SLPI: variants seen among roughly 807,000 people sequenced by gnomAD.
SLPI encodes antileukoproteinase.
Under a neutral mutation model 14.3 loss-of-function variants are expected in SLPI, and 20 were observed. That is an observed-to-expected ratio of 1.40 (90% CI 0.99 to 2.04). The LOEUF (loss-of-function observed/expected upper bound fraction) is 2.04, where lower values mean the gene tolerates loss of function less well. SLPI is among the 30% of genes most tolerant of loss of function. The pLI, the probability that SLPI is intolerant of heterozygous loss-of-function variation, is 0.00. For synonymous variants in SLPI, 68 were observed against 54.8 expected, an observed-to-expected ratio of 1.24 and a Z score of -1.07; for missense variants, 169 against 159.4, an observed-to-expected ratio of 1.06 and a Z score of -0.32.
chr20:45,252,743 T>C (rs915565243), intron 3 of SLPI, among the ~76,000 whole-genome samples: 3 of 152,108 alleles, frequency 2.0e-5, no homozygotes, highest in Non-Finnish European at 4.4e-5. Flanking sequence ...ATTTTACCGA[T>C]AAAGAAACTG....
At chr20:45,252,759 CAGAA>C (rs1326721653) in intron 3 of SLPI, among the ~76,000 whole-genome samples, 1 of 152,176 alleles carries the variant, frequency 6.6e-6, no homozygotes, top group Non-Finnish European at 1.5e-5. Context: ...AACTGAGACT[CAGAA>C]AGACACTTGC....
rs144962719 is a variant in SLPI, at chr20:45,253,615, A to G, written c.204T>C (p.Cys68=). The G allele has an allele frequency of 3.1e-4, 495 of 1,614,142 alleles. No homozygotes were observed. Among genetic ancestry groups the G allele is most frequent in the Non-Finnish European group, 4.0e-4 (477 of 1,180,000 alleles). The change falls in exon 2 of 4, where the codon TGT becomes TGC. Residue 68 remains cysteine (C), a synonymous_variant. Coordinates refer to ENST00000338380, the MANE Select transcript of SLPI (RefSeq NM_003064.4). ...PGKKRCCPDT[C]GIKCLDPVDT... ...CAACAGGATCCAGGCATTTGATGCC[A>G]CAAGTGTCAGGACAACATCTCTTCT...
intron 3 of SLPI, among the ~76,000 whole-genome samples, chr20:45,252,732 C>T (rs1984696736): frequency 6.6e-6 from 1 of 152,168 alleles, no homozygotes; most frequent in African/African-American, 2.4e-5. Context: ...TCATTATGTA[C>T]ATTTTACCGA....
intron 3 of SLPI, 81 bp downstream of exon 3, chr20:45,252,921 C>T: frequency 2.0e-6 from 3 of 1,464,520 alleles, no homozygotes; most frequent in Non-Finnish European, 1.9e-6. Context: ...CAGGAGTCCC[C>T]CTGCCCATAT....
At position 45,252,403 on chromosome 20, in the gene SLPI, A is replaced by G. The variant is rs771927717; in HGVS notation, c.*12T>C. The G allele has an allele frequency of 5.6e-6, 9 of 1,613,882 alleles. No homozygotes were observed. Among genetic ancestry groups the G allele is most frequent in the South Asian group, 5.5e-5 (5 of 90,994 alleles). On this transcript the variant is annotated 3_prime_UTR_variant, in exon 4 of 4. Transcript: ENST00000338380. ...AGAGCAGGACTCCAGAGCCTCCTCC[A>G]TATGGCAGGAATCAAGCTGTGAGAG...
Position 45,254,478 on chromosome 20 carries a change from A to C in SLPI, c.66T>G (p.Ala22=). 1 of 1,614,170 alleles carries C rather than the reference A, an allele frequency of 6.2e-7. No homozygotes were observed. ...LLALGTLAPW[A]VEGSGKSFKA... Reference sequence around the variant, plus strand: ...ACTTACACTTTCCAGAGCCTTCCACAGCCCAAGGTGCCAGAGTTCCCAGGG... The same window carrying C: ...ACTTACACTTTCCAGAGCCTTCCACCGCCCAAGGTGCCAGAGTTCCCAGGG... The change falls in exon 1 of 4, where the codon GCT becomes GCG. Residue 22 remains alanine (A), a synonymous_variant. Transcript: ENST00000338380.
chr20:45,253,487 G>A, intron 2 of SLPI, 88 bp downstream of exon 2: 1 of 1,269,034 alleles, frequency 7.9e-7, no homozygotes, highest in Non-Finnish European at 1.1e-6. Context: ...TGACAAGGAG[G>A]CCTGGCAGGA....
chr20:45,254,350 G>T, intron 1 of SLPI, 109 bp downstream of exon 1: 1 of 912,006 alleles, frequency 1.1e-6, no homozygotes, highest in Non-Finnish European at 1.7e-6. Context: ...GAGGTCTCCC[G>T]AAACTAAGCT....
chr20:45,254,133 C>T lies in SLPI; in HGVS notation c.85+326G>A, dbSNP rs548721210. ...AGACAAAATAGCAGAAGCAAAGACA[C>T]AAGGAAGCAGAGTCAGAAACTAATG... On this transcript the variant is annotated intron_variant, in intron 1 of 3. Transcript: ENST00000338380. Among the ~76,000 whole-genome samples, 110 of 151,548 alleles carry T rather than the reference C, an allele frequency of 7.3e-4. 1 individual carries two copies. The highest frequency in any genetic ancestry group is 2.3e-3 in the African/African-American group (95 of 41,258).
rs372067099 is a variant in SLPI at position 45,253,674 on chromosome 20, G to T, written c.145C>A (p.Pro49Thr). 7.4e-6 allele frequency: 12 copies of T among 1,613,958 alleles called. No individual in the cohort carries two copies. The African/African-American group carries it at 1.1e-4, about 14-fold the overall frequency. The stretch of plus-strand genomic sequence containing the variant: ...CACTGCCAGTCACTCTGGCACTCAG[G>T]TTTCTTGTATCTAAGGCACTGGGCA... ...KSAQCLRYKKPECQSDWQCPG... is the reference protein window; with the variant it reads ...KSAQCLRYKKTECQSDWQCPG... Residue 49 changes from proline to threonine, a missense_variant, in exon 2 of 4, where the codon CCT (proline) becomes ACT (threonine). Pro to Thr is a conservative substitution (Grantham distance 38). Coordinates refer to ENST00000338380, the MANE Select transcript of SLPI (RefSeq NM_003064.4).
In SLPI at chr20:45,253,000, A is replaced by G; in HGVS notation, c.394+2T>C. 1 of 1,613,726 alleles carries G rather than the reference A, an allele frequency of 6.2e-7. No individual in the cohort carries two copies. Among genetic ancestry groups the G allele is most frequent in the Non-Finnish European group, 8.5e-7 (1 of 1,179,802 alleles). ...CTCAGTGTGCCCTCATCCCCTGCTT[A>G]CCTTTCACAGGGGAAACGCAGGATT... On this transcript the variant is annotated splice_donor_variant, in intron 3 of 3. Transcript: ENST00000338380. LOFTEE classifies it high-confidence loss of function.
chr20:45,253,199 C>A (rs114785221), intron 2 of SLPI, 48 bp from the exon 3 acceptor site: 4 of 1,580,398 alleles, frequency 2.5e-6, no homozygotes, highest in Non-Finnish European at 3.4e-6. Flanking sequence ...CTTTATACAA[C>A]CCCTCCCATC....
intron 1 of SLPI, 84 bp from the exon 2 acceptor site, chr20:45,253,817 G>T: frequency 2.3e-6 from 3 of 1,296,760 alleles, no homozygotes; most frequent in African/African-American, 2.9e-5. Flanking sequence ...CCACTTTTGA[G>T]GGGGAGAGAC....
At chr20:45,254,358 G>A (rs1241753758) in intron 1 of SLPI, 101 bp downstream of exon 1, 3 of 968,574 alleles carry the variant, frequency 3.1e-6, no homozygotes, top group East Asian at 5.1e-5. Flanking sequence ...CCGAAACTAA[G>A]CTGAGGGATC....
intron 1 of SLPI, 51 bp downstream of exon 1, chr20:45,254,408 C>T: frequency 6.6e-7 from 1 of 1,521,490 alleles, no homozygotes; most frequent in East Asian, 2.3e-5. Flanking sequence ...CACAAGGAGA[C>T]CCCACCTCTG....
intron 2 of SLPI, 53 bp from the exon 3 acceptor site, chr20:45,253,204 C>T (rs1568852763): frequency 2.5e-6 from 4 of 1,577,270 alleles, no homozygotes; most frequent in Non-Finnish European, 3.5e-6. Context: ...TACAACCCCT[C>T]CCATCCCCAC....
rs770102518 is a variant in SLPI, at chr20:45,253,611, T to C, written c.208A>G (p.Ile70Val). ...KKRCCPDTCGIKCLDPVDTPN... is the reference protein window; with the variant it reads ...KKRCCPDTCGVKCLDPVDTPN... Reference sequence around the variant, plus strand: ...GTGTCAACAGGATCCAGGCATTTGATGCCACAAGTGTCAGGACAACATCTC... The same window carrying C: ...GTGTCAACAGGATCCAGGCATTTGACGCCACAAGTGTCAGGACAACATCTC... Residue 70 changes from isoleucine to valine, a missense_variant, in exon 2 of 4, where the codon ATC becomes GTC. Transcript: ENST00000338380. 4 of 1,614,160 alleles carry C rather than the reference T, an allele frequency of 2.5e-6. No individual in the cohort carries two copies.
At position 45,254,479 on chromosome 20, in the gene SLPI, G is replaced by A. The variant is rs1984761296; in HGVS notation, c.65C>T (p.Ala22Val). 2 of 1,614,014 alleles carry A rather than the reference G, an allele frequency of 1.2e-6. No individual in the cohort carries two copies. The highest frequency in any genetic ancestry group is 1.7e-6 in the Non-Finnish European group (2 of 1,180,000). The part of the protein sequence containing the change: ...LLALGTLAPW[A>V]VEGSGKSFKA... ...CTTACACTTTCCAGAGCCTTCCACA[G>A]CCCAAGGTGCCAGAGTTCCCAGGGC... Residue 22 changes from alanine (A) to valine (V), a missense_variant, in exon 1 of 4, where the codon GCT becomes GTT. Coordinates refer to ENST00000338380, the MANE Select transcript of SLPI (RefSeq NM_003064.4).
chr20:45,253,599 C>T lies in SLPI; in HGVS notation c.220G>A (p.Asp74Asn). ...CPDTCGIKCL[D>N]PVDTPNPTRR... ...CTTGGGTTTGGGGTGTCAACAGGAT[C>T]CAGGCATTTGATGCCACAAGTGTCA... is the stretch of plus-strand genomic sequence containing the variant. Residue 74 changes from aspartate to asparagine, a missense_variant, in exon 2 of 4, where the codon GAT (aspartate) becomes AAT (asparagine). Transcript: ENST00000338380. The T allele has an allele frequency of 6.2e-7, 1 of 1,614,034 alleles. No homozygotes were observed. The highest frequency in any genetic ancestry group is 8.5e-7 in the Non-Finnish European group (1 of 1,179,954).
Sources: gnomAD v4.1 joint callset for allele counts (sites outside exome capture counted in the v4.1 genomes callset) on GRCh38, gnomAD v4.1.1 for gene constraint, MANE v1.5 for transcripts, NCBI Gene and HGNC (gene_info 2026-07-23, HGNC 2026-07-21) for gene names.